The following SH3RF3 variants were observed in gnomAD, a reference collection of about 807,000 sequenced individuals.
The protein encoded by SH3RF3 is SH3 domain containing ring finger 3, also known as E3 ubiquitin-protein ligase SH3RF3.
In SH3RF3, 29 loss-of-function variants were observed where a neutral mutation model predicts 66.3. The ratio of observed to expected loss-of-function variants is 0.44; its 90% CI spans 0.33 to 0.60. The LOEUF (loss-of-function observed/expected upper bound fraction) is 0.60. Among genes scored for constraint, SH3RF3 ranks in the 20% least tolerant of loss-of-function variants. The pLI, the probability that SH3RF3 is intolerant of heterozygous loss-of-function variation, is 0.04. For missense variants in SH3RF3, 1,194 were observed against 1,190.9 expected, an observed-to-expected ratio of 1.00 and a Z score of -0.04; for synonymous variants, 583 against 532.0, an observed-to-expected ratio of 1.10 and a Z score of -1.32.
At chr2:109,493,941 G>A (rs1679193683) in intron 9 of SH3RF3, among the ~76,000 whole-genome samples, 1 of 152,018 alleles carries the variant, frequency 6.6e-6, no homozygotes, top group Non-Finnish European at 1.5e-5. Flanking sequence ...CCTCTCCTAA[G>A]GAGTCTCCTC....
intron 1 of SH3RF3, among the ~76,000 whole-genome samples, chr2:109,172,286 G>C (rs571816444): frequency 1.3e-5 from 2 of 152,352 alleles, no homozygotes; most frequent in South Asian, 4.1e-4. Flanking sequence ...CGTGTGGCCT[G>C]TGCTGTTTCT....
intron 1 of SH3RF3, among the ~76,000 whole-genome samples, chr2:109,229,781 C>T (rs1679453796): frequency 6.6e-6 from 1 of 151,894 alleles, no homozygotes; most frequent in African/African-American, 2.4e-5. Context: ...CAGGCTCATC[C>T]ATGTTTTGGT....
chr2:109,169,702 C>T (rs534267833), intron 1 of SH3RF3, among the ~76,000 whole-genome samples: 1 of 151,722 alleles, frequency 6.6e-6, no homozygotes, highest in Non-Finnish European at 1.5e-5. Flanking sequence ...ATATCTCTCT[C>T]TCTATATATA....
chr2:109,276,209 C>A (rs762872192), intron 1 of SH3RF3, among the ~76,000 whole-genome samples: 2 of 152,230 alleles, frequency 1.3e-5, no homozygotes, highest in African/African-American at 2.4e-5. Context: ...TCCCACATCA[C>A]CATATGTGTG....
chr2:109,423,073 G>C (rs955702042), intron 5 of SH3RF3, among the ~76,000 whole-genome samples: 1 of 152,186 alleles, frequency 6.6e-6, no homozygotes, highest in East Asian at 1.9e-4. Context: ...TTCCACAGTC[G>C]ATGGGTGCAG....
chr2:109,171,302 CA>C (rs1337140041), intron 1 of SH3RF3, among the ~76,000 whole-genome samples: 25 of 152,200 alleles, frequency 1.6e-4, no homozygotes, highest in East Asian at 1.2e-3. Flanking sequence ...ATTTCCTTGT[CA>C]TATCTATTTC....
At chr2:109,446,781 G>T (rs1677716680) in intron 7 of SH3RF3, among the ~76,000 whole-genome samples, 1 of 152,060 alleles carries the variant, frequency 6.6e-6, no homozygotes, top group African/African-American at 2.4e-5. Context: ...CTTCTTTGGT[G>T]CCTGGGATGA....
intron 9 of SH3RF3, among the ~76,000 whole-genome samples, chr2:109,492,698 G>A (rs909696718): frequency 1.3e-5 from 2 of 152,172 alleles, no homozygotes; most frequent in Non-Finnish European, 2.9e-5. Flanking sequence ...TAGTGGCCAA[G>A]CCAGAGATTC....
chr2:109,375,928 C>G (rs1205656203), intron 3 of SH3RF3, among the ~76,000 whole-genome samples: 1 of 152,248 alleles, frequency 6.6e-6, no homozygotes, highest in Non-Finnish European at 1.5e-5. Flanking sequence ...TCCTACATCA[C>G]CTGCACATTG....
At chr2:109,210,563 A>G (rs1678949223) in intron 1 of SH3RF3, among the ~76,000 whole-genome samples, 1 of 152,184 alleles carries the variant, frequency 6.6e-6, no homozygotes, top group African/African-American at 2.4e-5. Context: ...GCTCAGGGCA[A>G]ATGGCCTAAG....
chr2:109,161,802 A>G (rs145318732), intron 1 of SH3RF3, among the ~76,000 whole-genome samples: 1 of 152,048 alleles, frequency 6.6e-6, no homozygotes, highest in Non-Finnish European at 1.5e-5. Context: ...GGAGGGCATT[A>G]ATCTATTCAT....
intron 1 of SH3RF3, among the ~76,000 whole-genome samples, chr2:109,215,547 C>T (rs548540794): frequency 1.3e-5 from 2 of 152,264 alleles, no homozygotes; most frequent in South Asian, 4.2e-4. Flanking sequence ...GTGGGTTCCT[C>T]TCGGGAGAGC....
chr2:109,276,154 T>C (rs1438498797), intron 1 of SH3RF3, among the ~76,000 whole-genome samples: 1 of 152,182 alleles, frequency 6.6e-6, no homozygotes, highest in East Asian at 1.9e-4. Context: ...GGGTTCGAGT[T>C]AGGAGCAGGC....
chr2:109,170,194 C>A (rs1051075609), intron 1 of SH3RF3, among the ~76,000 whole-genome samples: 10 of 151,920 alleles, frequency 6.6e-5, no homozygotes, highest in African/African-American at 2.4e-4. Flanking sequence ...TGCAGATGAA[C>A]GAGATGTTTT....
chr2:109,425,093 G>A (rs1408580125), intron 5 of SH3RF3, among the ~76,000 whole-genome samples: 2 of 152,358 alleles, frequency 1.3e-5, no homozygotes, highest in Admixed American at 1.3e-4. Flanking sequence ...TGTTTGAGTG[G>A]CCTGGATAGA....
chr2:109,258,109 G>A (rs1288350502), intron 1 of SH3RF3, among the ~76,000 whole-genome samples: 2 of 152,136 alleles, frequency 1.3e-5, no homozygotes, highest in Non-Finnish European at 2.9e-5. Context: ...AGCTTAACCG[G>A]CCCAGACATT....
intron 1 of SH3RF3, among the ~76,000 whole-genome samples, chr2:109,285,340 A>G (rs1681007669): frequency 6.6e-6 from 1 of 152,200 alleles, no homozygotes; most frequent in African/African-American, 2.4e-5. Flanking sequence ...GGTGGGGTTA[A>G]GCCAGCTTGT....
chr2:109,352,554 T>C (rs748817411), intron 2 of SH3RF3, among the ~76,000 whole-genome samples: 12 of 152,258 alleles, frequency 7.9e-5, no homozygotes, highest in Non-Finnish European at 1.5e-4. Context: ...GAGGAAACTT[T>C]AGCTTTACCT....
At chr2:109,130,523 C>T (rs1676666296) in intron 1 of SH3RF3, among the ~76,000 whole-genome samples, 1 of 152,176 alleles carries the variant, frequency 6.6e-6, no homozygotes, top group Non-Finnish European at 1.5e-5. Flanking sequence ...TCTGACAGGG[C>T]TCTGATGGCT....
Sources: gnomAD v4.1 joint callset for allele counts (sites outside exome capture counted in the v4.1 genomes callset) on GRCh38, gnomAD v4.1.1 for gene constraint, MANE v1.5 for transcripts, NCBI Gene and HGNC (gene_info 2026-07-23, HGNC 2026-07-21) for gene names.